The following EEIG1 variants were observed in gnomAD, a reference collection of about 807,000 sequenced individuals.
EEIG1 encodes estrogen-induced osteoclastogenesis regulator 1, also known as early estrogen-induced gene 1 protein.
At chr9:127,948,236 CAG>C in the EEIG1 span, 1 of 1,613,684 alleles carries the variant, frequency 6.2e-7, no homozygotes, top group Non-Finnish European at 8.5e-7. Flanking sequence ...CTTGGGAAGA[CAG>C]ACAGGTGTGA....
At chr9:127,944,913 G>A in the EEIG1 span, 2 of 1,607,912 alleles carry the variant, frequency 1.2e-6, no homozygotes, top group East Asian at 2.2e-5. Context: ...GTCAGGTCGT[G>A]GGGGGACAAG....
the EEIG1 span, among the ~76,000 whole-genome samples, chr9:127,945,167 C>T: frequency 6.6e-6 from 1 of 152,166 alleles, no homozygotes; most frequent in Admixed American, 6.5e-5. This position sits in a 1 kb window ranked among gnomAD's most constrained non-coding sequence, Gnocchi z 6.5. Flanking sequence ...TCCACAAAAC[C>T]GCAAGAGCAG....
the EEIG1 span, among the ~76,000 whole-genome samples, chr9:127,955,593 T>C: frequency 3.9e-5 from 6 of 152,180 alleles, no homozygotes; most frequent in Admixed American, 6.5e-5. Flanking sequence ...TGATGACTCA[T>C]TGTCACCAGG....
chr9:127,948,058 T>C, the EEIG1 span: 2 of 1,607,608 alleles, frequency 1.2e-6, no homozygotes, highest in Admixed American at 3.3e-5. Flanking sequence ...GGCGGACAGA[T>C]GAGGAACTGT....
chr9:127,975,791 C>A, the EEIG1 span, among the ~76,000 whole-genome samples: 1 of 152,092 alleles, frequency 6.6e-6, no homozygotes, highest in Non-Finnish European at 1.5e-5. Flanking sequence ...GCAGAGATCT[C>A]TTGGGTGTTT....
the EEIG1 span, chr9:127,948,076 C>G: frequency 6.2e-7 from 1 of 1,611,120 alleles, no homozygotes; most frequent in Non-Finnish European, 8.5e-7. Flanking sequence ...TGTACCTGAG[C>G]TGAGAATAGT....
the EEIG1 span, chr9:127,944,938 G>T: frequency 1.3e-6 from 2 of 1,596,458 alleles, no homozygotes; most frequent in African/African-American, 2.7e-5. Flanking sequence ...AACGGTCAGG[G>T]CAGTAACAGG....
the EEIG1 span, among the ~76,000 whole-genome samples, chr9:127,967,803 T>C: frequency 6.7e-6 from 1 of 149,620 alleles, no homozygotes; most frequent in East Asian, 1.9e-4. Flanking sequence ...CTACAGGACC[T>C]GGCACAGTGG....
the EEIG1 span, among the ~76,000 whole-genome samples, chr9:127,958,181 T>C: frequency 6.6e-6 from 1 of 152,108 alleles, no homozygotes; most frequent in African/African-American, 2.4e-5. Flanking sequence ...CACAGGGCTA[T>C]CTCATGCTAT....
chr9:127,951,186 A>T, the EEIG1 span, among the ~76,000 whole-genome samples: 1 of 152,060 alleles, frequency 6.6e-6, no homozygotes, highest in Non-Finnish European at 1.5e-5. Flanking sequence ...CTAGACCTGG[A>T]GGGGAAAGTG....
chr9:127,964,877 G>A, the EEIG1 span, among the ~76,000 whole-genome samples: 1 of 152,046 alleles, frequency 6.6e-6, no homozygotes, highest in Non-Finnish European at 1.5e-5. Flanking sequence ...TGAGGCGGGT[G>A]GATCACCTGA....
At chr9:127,959,773 T>C in the EEIG1 span, among the ~76,000 whole-genome samples, 6 of 152,216 alleles carry the variant, frequency 3.9e-5, no homozygotes, top group Non-Finnish European at 8.8e-5. Context: ...CATGTGGGAC[T>C]GTGAGTCAAT....
At chr9:127,975,758 C>T in the EEIG1 span, among the ~76,000 whole-genome samples, 4 of 152,110 alleles carry the variant, frequency 2.6e-5, no homozygotes, top group African/African-American at 7.2e-5. Flanking sequence ...ATGAGGCAGA[C>T]ACAGGACTGG....
the EEIG1 span, among the ~76,000 whole-genome samples, chr9:127,952,933 T>C: frequency 7.9e-5 from 12 of 152,148 alleles, no homozygotes; most frequent in Non-Finnish European, 1.5e-5. Flanking sequence ...CCAAAGCTGG[T>C]CTTGAACTCC....
chr9:127,980,781 G>A, the EEIG1 span, among the ~76,000 whole-genome samples: 3 of 149,786 alleles, frequency 2.0e-5, no homozygotes, highest in Non-Finnish European at 3.0e-5. Context: ...GGCCTCCTCA[G>A]GGCAGGCACC....
the EEIG1 span, among the ~76,000 whole-genome samples, chr9:127,962,755 A>C: frequency 6.6e-6 from 1 of 152,232 alleles, no homozygotes; most frequent in Non-Finnish European, 1.5e-5. Flanking sequence ...CAGGCCAGGC[A>C]TGGTGACTCA....
chr9:127,947,970 C>G, the EEIG1 span: 5 of 1,354,624 alleles, frequency 3.7e-6, no homozygotes, highest in South Asian at 6.7e-5. Flanking sequence ...CCCACCATCA[C>G]TCTCCCCTCA....
the EEIG1 span, among the ~76,000 whole-genome samples, chr9:127,967,758 C>T: frequency 1.3e-5 from 2 of 152,186 alleles, no homozygotes; most frequent in South Asian, 2.1e-4. Flanking sequence ...TTTTCTGGGC[C>T]TCAGTCGCAG....
At chr9:127,971,929 G>A in the EEIG1 span, among the ~76,000 whole-genome samples, 1 of 152,192 alleles carries the variant, frequency 6.6e-6, no homozygotes, top group Admixed American at 6.5e-5. Context: ...GAAACCAGAA[G>A]GGCGAGGAGC....
Sources: allele counts gnomAD v4.1 joint callset (sites outside exome capture counted in the v4.1 genomes callset), GRCh38; gene constraint gnomAD v4.1.1; non-coding constraint Gnocchi (gnomAD v3.1); transcripts MANE v1.5; gene names NCBI Gene and HGNC (gene_info 2026-07-23, HGNC 2026-07-21).